The following ADGRV1 variants were observed in gnomAD, a reference collection of about 807,000 sequenced individuals.
ADGRV1 encodes G-protein coupled receptor 98.
In ADGRV1, 359 loss-of-function variants were observed where a neutral mutation model predicts 596.2. The ratio of observed to expected loss-of-function variants is 0.60; its 90% CI spans 0.55 to 0.66. The LOEUF (loss-of-function observed/expected upper bound fraction) is 0.66. ADGRV1 is among the 30% of genes least tolerant of loss of function. The probability of loss-of-function intolerance (pLI) is 0.00; values close to 1 mark genes in which losing one functional copy is unlikely to be tolerated. For missense variants in ADGRV1, 7,274 were observed against 7,575.6 expected, an observed-to-expected ratio of 0.96 and a Z score of 1.48; for synonymous variants, 2,681 against 2,679.2, an observed-to-expected ratio of 1.00 and a Z score of -0.02.
chr5:90,750,050 A>C (rs1048028531), intron 52 of ADGRV1, among the ~76,000 whole-genome samples: 1 of 152,210 alleles, frequency 6.6e-6, no homozygotes, highest in Non-Finnish European at 1.5e-5. Context: ...TCTAATTCTC[A>C]TGACATCGTT....
intron 83 of ADGRV1, among the ~76,000 whole-genome samples, chr5:90,905,622 A>G (rs1242163858): frequency 6.6e-6 from 1 of 152,034 alleles, no homozygotes; most frequent in Non-Finnish European, 1.5e-5. Flanking sequence ...CAGTTCTAAG[A>G]TTTTATTATG....
intron 84 of ADGRV1, among the ~76,000 whole-genome samples, chr5:90,983,582 A>G (rs1780253235): frequency 6.6e-6 from 1 of 152,204 alleles, no homozygotes; most frequent in Non-Finnish European, 1.5e-5. Flanking sequence ...ATTCTTTAAC[A>G]GGCAGTATTG....
chr5:90,969,859 C>A (rs1239011086), intron 84 of ADGRV1, among the ~76,000 whole-genome samples: 1 of 152,148 alleles, frequency 6.6e-6, no homozygotes, highest in Non-Finnish European at 1.5e-5. Flanking sequence ...TCTCACGGGG[C>A]CTGATCGGAC....
chr5:90,637,532 A>G (rs922955650), intron 10 of ADGRV1, among the ~76,000 whole-genome samples, 193 bp from the exon 11 acceptor site: 12 of 152,210 alleles, frequency 7.9e-5, no homozygotes, highest in African/African-American at 2.9e-4. Flanking sequence ...ATTAATAAAA[A>G]TATATCTAAA....
chr5:90,927,719 C>T (rs1266673435), intron 83 of ADGRV1, among the ~76,000 whole-genome samples: 1 of 151,834 alleles, frequency 6.6e-6, no homozygotes, highest in South Asian at 2.1e-4. Context: ...GCAGTTTCTT[C>T]CTAGTCTTGA....
chr5:90,991,035 G>A (rs1284461007), intron 85 of ADGRV1, among the ~76,000 whole-genome samples: 1 of 152,180 alleles, frequency 6.6e-6, no homozygotes, highest in African/African-American at 2.4e-5. Context: ...TTCATACATA[G>A]AGAATATGCC....
At position 90,625,484 on chromosome 5, in the gene ADGRV1, T is replaced by C. The variant is rs1472572923; in HGVS notation, c.672+241T>C. On this transcript the variant is annotated intron_variant, in intron 6 of 89. Transcript: ENST00000405460. ...AAATATTTAAGCATTTTGTATACCC[T>C]GGTAATCAATTTTTGTTAGTGCTTT... 1.6e-5 allele frequency: 5 copies of C among 320,858 alleles called. No homozygotes were observed. In the Admixed American group the frequency reaches 1.9e-4, roughly 12 times the overall value. The allele number at this position is 320,858 out of a possible 1,614,324, so 19.9% of individuals were successfully genotyped here.
At chr5:91,039,315 C>T (rs765055472) in intron 85 of ADGRV1, among the ~76,000 whole-genome samples, 30 of 152,288 alleles carry the variant, frequency 2.0e-4, no homozygotes, top group South Asian at 1.7e-3. Context: ...TTGTTACCTT[C>T]GTTATCGGTT....
intron 67 of ADGRV1, among the ~76,000 whole-genome samples, chr5:90,785,945 T>G (rs536081658): frequency 3.9e-5 from 6 of 152,322 alleles, no homozygotes; most frequent in African/African-American, 1.4e-4. Context: ...TAAAGACACA[T>G]GCACACGTAT....
chr5:90,932,625 T>C lies in ADGRV1; in HGVS notation c.17857-32790T>C, dbSNP rs564867606. Among the ~76,000 whole-genome samples the C allele has an allele frequency of 2.0e-5, 3 of 152,314 alleles. No individual in the cohort carries two copies. The South Asian group carries it at 6.2e-4, about 32-fold the overall frequency. On this transcript the variant is annotated intron_variant, in intron 83 of 89. Coordinates refer to ENST00000405460, the MANE Select transcript of ADGRV1 (RefSeq NM_032119.4). ...TTTAAAATAGTAATATTCTCCCTGATATTTATTTTCAAATGTAAAAACATA... is the reference window on the plus strand; with the variant it reads ...TTTAAAATAGTAATATTCTCCCTGACATTTATTTTCAAATGTAAAAACATA...
At chr5:91,100,085 A>T (rs769694752) in intron 86 of ADGRV1, among the ~76,000 whole-genome samples, 2 of 152,162 alleles carry the variant, frequency 1.3e-5, no homozygotes, top group African/African-American at 4.8e-5. Flanking sequence ...CACAGAAACC[A>T]TCTTGAAAGG....
At position 90,590,319 on chromosome 5, in the gene ADGRV1, C is replaced by T. The variant is rs768273135; in HGVS notation, c.23-24516C>T. Among the ~76,000 whole-genome samples, 44 of 152,268 alleles carry T rather than the reference C, an allele frequency of 2.9e-4. No individual in the cohort carries two copies. The Middle Eastern group carries it at 0.014, about 47-fold the overall frequency. ...GTGCATCATAGTTGCAGCTCGATAACGGCTGAGGCTGATGTCATCTTACTG... is the reference window on the plus strand; with the variant it reads ...GTGCATCATAGTTGCAGCTCGATAATGGCTGAGGCTGATGTCATCTTACTG... On this transcript the variant is annotated intron_variant, in intron 1 of 89. Transcript: ENST00000405460.
chr5:91,004,308 G>A lies in ADGRV1; in HGVS notation c.18152+18786G>A, dbSNP rs556993635. On this transcript the variant is annotated intron_variant, in intron 85 of 89. Coordinates refer to ENST00000405460, the MANE Select transcript of ADGRV1 (RefSeq NM_032119.4). ...GGAATGTAGCATGCAGGACAGTTTC[G>A]TAATGGAAAACAAATGAAAAGCAAA... Among the ~76,000 whole-genome samples the A allele has an allele frequency of 2.5e-4, 38 of 152,100 alleles. 1 individual carries two copies. The highest frequency in any genetic ancestry group is 8.4e-4 in the African/African-American group (35 of 41,494).
intron 83 of ADGRV1, among the ~76,000 whole-genome samples, chr5:90,869,310 G>C (rs1768438294): frequency 6.6e-6 from 1 of 152,150 alleles, no homozygotes; most frequent in Non-Finnish European, 1.5e-5. Flanking sequence ...GCTTTCACTT[G>C]AGTAAGGCTT....
chr5:90,699,999 T>A (rs1747693914), intron 34 of ADGRV1, among the ~76,000 whole-genome samples: 1 of 152,096 alleles, frequency 6.6e-6, no homozygotes, highest in East Asian at 1.9e-4. Flanking sequence ...AAAGTTGGAG[T>A]CAATTTCTAT....
At chr5:90,964,298 C>T (rs1778267390) in intron 83 of ADGRV1, among the ~76,000 whole-genome samples, 1 of 152,034 alleles carries the variant, frequency 6.6e-6, no homozygotes, top group Non-Finnish European at 1.5e-5. Context: ...CATAAGTCAA[C>T]TAGTTTTTTC....
In ADGRV1 at chr5:90,653,420, A is replaced by G. The variant is rs752853468; in HGVS notation, c.3846A>G (p.Gln1282=). 9.7e-5 allele frequency: 156 copies of G among 1,613,826 alleles called. No homozygotes were observed. The highest frequency in any genetic ancestry group is 1.6e-4 in the Middle Eastern group (1 of 6,084). The change falls in exon 20 of 90, where the codon CAA becomes CAG. Residue 1282 remains glutamine, a synonymous_variant. Coordinates refer to ENST00000405460, the MANE Select transcript of ADGRV1 (RefSeq NM_032119.4). ...AGCAGGGTGTGTTTGGTGATGTACA[A>G]CTGGGCTGGGAAATACTGTCCAGTG... is the stretch of plus-strand genomic sequence containing the variant. ...LRQQGVFGDV[Q]LGWEILSSEF...
At chr5:90,773,558 G>A (rs1370768197) in intron 59 of ADGRV1, among the ~76,000 whole-genome samples, 1 of 152,162 alleles carries the variant, frequency 6.6e-6, no homozygotes, top group Non-Finnish European at 1.5e-5. Flanking sequence ...GAACTGATAT[G>A]AGTAAAGATA....
At position 90,981,737 on chromosome 5, in the gene ADGRV1, T is replaced by C. The variant is rs1271348688; in HGVS notation, c.17974-3607T>C. 7.9e-5 allele frequency among the ~76,000 whole-genome samples: 12 copies of C among 152,312 alleles called. No homozygotes were observed. The East Asian group carries it at 2.1e-3, about 27-fold the overall frequency. Reference sequence around the variant, plus strand: ...TGAATGAATAAGTGAATACAAATTATTGTAAAATAAAAATTTATAAAGTAT... The same window carrying C: ...TGAATGAATAAGTGAATACAAATTACTGTAAAATAAAAATTTATAAAGTAT... On this transcript the variant is annotated intron_variant, in intron 84 of 89. Transcript: ENST00000405460.
Sources: allele counts gnomAD v4.1 joint callset (sites outside exome capture counted in the v4.1 genomes callset), GRCh38; gene constraint gnomAD v4.1.1; transcripts MANE v1.5; gene names NCBI Gene and HGNC (gene_info 2026-07-23, HGNC 2026-07-21).